Variants in ARHGAP24 observed in about 807,000 individuals in gnomAD.
ARHGAP24 encodes the protein rho GTPase-activating protein 24.
A neutral mutation model predicts 76.4 loss-of-function variants in ARHGAP24; 50 were observed. The observed-to-expected ratio is 0.65, with a 90% CI of 0.52 to 0.83. The LOEUF is 0.83. ARHGAP24 is among the 40% of genes least tolerant of loss of function. ARHGAP24 has a pLI of 0.00. For synonymous variants in ARHGAP24, 345 were observed against 323.3 expected, an observed-to-expected ratio of 1.07 and a Z score of -0.72; for missense variants, 930 against 914.2, an observed-to-expected ratio of 1.02 and a Z score of -0.22.
chr4:85,655,818 A>AGAGAGAGAGAAAG (rs1237643654), intron 2 of ARHGAP24, among the ~76,000 whole-genome samples: 13 of 35,494 alleles, frequency 3.7e-4, no homozygotes, highest in Admixed American at 6.0e-4. Flanking sequence ...GAGAGAGAGA[A>AGAGAGAGAGAAAG]AGAGAGAGAG....
At chr4:85,983,376 A>T (rs1285106567) in intron 8 of ARHGAP24, among the ~76,000 whole-genome samples, 1 of 152,130 alleles carries the variant, frequency 6.6e-6, no homozygotes. Context: ...GGTTGAACTA[A>T]TTTACATTCC....
At chr4:85,773,396 T>C (rs1294852656) in intron 3 of ARHGAP24, among the ~76,000 whole-genome samples, 2 of 152,248 alleles carry the variant, frequency 1.3e-5, no homozygotes, top group South Asian at 2.1e-4. Flanking sequence ...CTGCATACTT[T>C]ATCCATCAGT....
intron 3 of ARHGAP24, among the ~76,000 whole-genome samples, chr4:85,870,703 A>G (rs965503611): frequency 1.2e-4 from 18 of 152,204 alleles, no homozygotes; most frequent in South Asian, 2.1e-4. Flanking sequence ...TATATATATA[A>G]AACCCACTAC....
intron 5 of ARHGAP24, among the ~76,000 whole-genome samples, chr4:85,965,726 T>A (rs1738557373): frequency 6.6e-6 from 1 of 152,164 alleles, no homozygotes; most frequent in South Asian, 2.1e-4. Flanking sequence ...TAAAACCTAG[T>A]CAGCAATTAT....
At chr4:85,851,431 G>T (rs1445101361) in intron 3 of ARHGAP24, among the ~76,000 whole-genome samples, 2 of 152,110 alleles carry the variant, frequency 1.3e-5, no homozygotes, top group African/African-American at 4.8e-5. Context: ...TTTAATTGGG[G>T]CATTTAGCCC....
intron 3 of ARHGAP24, among the ~76,000 whole-genome samples, chr4:85,853,010 A>G (rs908396096): frequency 1.3e-5 from 2 of 152,200 alleles, no homozygotes; most frequent in Non-Finnish European, 2.9e-5. Flanking sequence ...TCTTCAGAGC[A>G]GTGCAGACAA....
chr4:85,716,051 T>C (rs573369258), intron 2 of ARHGAP24, among the ~76,000 whole-genome samples: 3 of 152,230 alleles, frequency 2.0e-5, no homozygotes, highest in East Asian at 3.9e-4. Context: ...GAGATTTTTC[T>C]AGTTCACTGT....
intron 1 of ARHGAP24, among the ~76,000 whole-genome samples, chr4:85,561,581 A>G (rs1726602328): frequency 6.6e-6 from 1 of 152,136 alleles, no homozygotes; most frequent in South Asian, 2.1e-4. Flanking sequence ...ATTTTTCGTT[A>G]TGTAGTTTTT....
chr4:85,991,329 C>G (rs981285217), intron 8 of ARHGAP24: 6 of 151,956 alleles, frequency 3.9e-5, no homozygotes, highest in African/African-American at 1.4e-4. Flanking sequence ...ATGCAGTAAC[C>G]GTAAAACCCA....
intron 2 of ARHGAP24, among the ~76,000 whole-genome samples, chr4:85,661,164 A>C (rs1439241703): frequency 2.6e-5 from 4 of 152,218 alleles, no homozygotes; most frequent in African/African-American, 2.4e-5. Context: ...TTGCTTCTGC[A>C]GTTGAATGCA....
rs180970370 is a variant in ARHGAP24 at position 85,774,666 on chromosome 4, A to G, written c.268+52694A>G. Among the ~76,000 whole-genome samples, 23 of 152,304 alleles carry G rather than the reference A, an allele frequency of 1.5e-4. No individual in the cohort carries two copies. The East Asian group carries it at 4.1e-3, about 27-fold the overall frequency. On this transcript the variant is annotated intron_variant, in intron 3 of 9. Coordinates refer to ENST00000395184, the MANE Select transcript of ARHGAP24 (RefSeq NM_001025616.3). ...ATTATCTGGCCTTTGTGTTAATACA[A>G]TTCGAAAGGTTACAGGTATCTTATG...
intron 8 of ARHGAP24, among the ~76,000 whole-genome samples, chr4:85,988,369 T>C (rs1277060204): frequency 1.3e-5 from 2 of 151,768 alleles, no homozygotes; most frequent in Non-Finnish European, 3.0e-5. Flanking sequence ...GCATACATAA[T>C]ACATACAGAA....
At chr4:85,933,956 A>G (rs947247235) in intron 4 of ARHGAP24, among the ~76,000 whole-genome samples, 2 of 152,110 alleles carry the variant, frequency 1.3e-5, no homozygotes, top group African/African-American at 4.8e-5. Flanking sequence ...CTTCTTCTTT[A>G]TGTCTTTCCA....
intron 5 of ARHGAP24, among the ~76,000 whole-genome samples, chr4:85,942,938 A>G (rs1348679973): frequency 1.3e-5 from 2 of 152,078 alleles, no homozygotes; most frequent in African/African-American, 4.8e-5. Context: ...ATATACCAGA[A>G]ATGTTTTCAT....
intron 3 of ARHGAP24, among the ~76,000 whole-genome samples, chr4:85,837,330 T>A (rs997334158): frequency 2.0e-5 from 3 of 152,162 alleles, no homozygotes; most frequent in Non-Finnish European, 4.4e-5. Context: ...AGGGAAAACA[T>A]TTTCCCCAGT....
intron 5 of ARHGAP24, among the ~76,000 whole-genome samples, chr4:85,952,128 A>G (rs1431300083): frequency 2.0e-5 from 3 of 152,164 alleles, no homozygotes. Flanking sequence ...CATAGCAGAT[A>G]AATAAATAGA....
intron 3 of ARHGAP24, among the ~76,000 whole-genome samples, chr4:85,846,089 A>G (rs1277232418): frequency 6.6e-6 from 1 of 152,014 alleles, no homozygotes; most frequent in African/African-American, 2.4e-5. Context: ...TATTTTTATC[A>G]CAGATGGGGT....
rs902028270 is a variant in ARHGAP24 at position 86,002,144 on chromosome 4, A to G, written c.*1422A>G. On this transcript the variant is annotated 3_prime_UTR_variant, in exon 10 of 10. Coordinates refer to ENST00000395184, the MANE Select transcript of ARHGAP24 (RefSeq NM_001025616.3). The stretch of plus-strand genomic sequence containing the variant: ...AAAAAGTTACAAAAGGCATAATCGG[A>G]AATAGAGACTACATACTTGAGTTTA... 1 of 152,204 alleles carries G rather than the reference A, an allele frequency of 6.6e-6. No homozygotes were observed. Among genetic ancestry groups the G allele is most frequent in the Non-Finnish European group, 1.5e-5 (1 of 68,042 alleles). 9.4% of individuals were successfully genotyped at this position (152,204 alleles called of 1,614,324 possible). A position where few individuals can be genotyped will look rare whatever the true frequency, so the allele number is the denominator to read the frequency against.
chr4:85,627,711 G>T (rs1578090916), intron 2 of ARHGAP24, among the ~76,000 whole-genome samples: 2 of 152,198 alleles, frequency 1.3e-5, no homozygotes, highest in South Asian at 4.1e-4. Flanking sequence ...GCTGTGGTGG[G>T]CTCCACCCAG....
Sources: gnomAD v4.1 joint callset for allele counts (sites outside exome capture counted in the v4.1 genomes callset) on GRCh38, gnomAD v4.1.1 for gene constraint, MANE v1.5 for transcripts, NCBI Gene and HGNC (gene_info 2026-07-23, HGNC 2026-07-21) for gene names.